The following CNTNAP5 variants were observed in gnomAD, a reference collection of about 807,000 sequenced individuals.
CNTNAP5 encodes contactin associated protein family member 5.
A neutral mutation model predicts 150.2 loss-of-function variants in CNTNAP5; 72 were observed. That is an observed-to-expected ratio of 0.48 (90% CI 0.40 to 0.58). CNTNAP5 has a LOEUF of 0.58. Ranked by LOEUF, CNTNAP5 falls within the 20% of genes least tolerant of loss-of-function variation. The probability of loss-of-function intolerance (pLI) is 0.00; values close to 1 mark genes in which losing one functional copy is unlikely to be tolerated. For missense variants in CNTNAP5, 1,636 were observed against 1,626.2 expected (o/e 1.01, Z -0.10); for synonymous variants, 672 against 619.8 (o/e 1.08, Z -1.25).
At chr2:124,911,888 G>T (rs868602439) in intron 23 of CNTNAP5, among the ~76,000 whole-genome samples, 1 of 152,094 alleles carries the variant, frequency 6.6e-6, no homozygotes, top group Middle Eastern at 3.4e-3. Flanking sequence ...AACTAAATTC[G>T]GGGAAGAAGC....
Position 124,837,543 on chromosome 2 carries a change from T to G in CNTNAP5, c.3218-27763T>G, listed in dbSNP as rs191011069. ...TGGCCCTATTTGTTTCACAGTTTAC[T>G]CTATTTTTAGTCCCTCTTTTATCCA... On this transcript the variant is annotated intron_variant, in intron 19 of 23. Transcript: ENST00000682447. Among the ~76,000 whole-genome samples, 35 of 152,296 alleles carry G rather than the reference T, an allele frequency of 2.3e-4. 1 individual carries two copies. The highest frequency in any genetic ancestry group is 1.9e-3 in the South Asian group (9 of 4,828).
intron 11 of CNTNAP5, among the ~76,000 whole-genome samples, chr2:124,571,527 CTTT>C (rs1214169811): frequency 8.5e-5 from 4 of 46,842 alleles, no homozygotes; most frequent in Admixed American, 3.3e-4. Context: ...TTTCTTTTTT[CTTT>C]TTTTTTTTTT....
At position 124,790,016 on chromosome 2, in the gene CNTNAP5, G is replaced by T. The variant is rs1681689069; in HGVS notation, c.2867G>T (p.Gly956Val). Residue 956 changes from glycine (G) to valine (V), a missense_variant, in exon 18 of 24, where the codon GGC (glycine) becomes GTC (valine). Gly to Val is a moderately radical substitution (Grantham distance 109). Coordinates refer to ENST00000682447, the MANE Select transcript of CNTNAP5 (RefSeq NM_001367498.1). Reference protein sequence around the residue: ...RAKVTSGVRPGCPGHCSSYGS... With the variant: ...RAKVTSGVRPVCPGHCSSYGS... The stretch of plus-strand genomic sequence containing the variant: ...AAGGTCACATCTGGAGTCAGGCCAG[G>T]CTGCCCCGGCCACTGCAGCAGCTAC... 6.2e-7 allele frequency: 1 copy of T among 1,613,950 alleles called. No homozygotes were observed. Among genetic ancestry groups the T allele is most frequent in the Non-Finnish European group, 8.5e-7 (1 of 1,179,868 alleles).
intron 5 of CNTNAP5, among the ~76,000 whole-genome samples, chr2:124,444,003 C>CAT (rs1692741083): frequency 6.6e-6 from 1 of 152,250 alleles, no homozygotes; most frequent in African/African-American, 2.4e-5. Context: ...TGCCTTGTTA[C>CAT]ATCTAGAAAT....
intron 3 of CNTNAP5, among the ~76,000 whole-genome samples, chr2:124,265,348 C>G (rs1029304144): frequency 5.9e-5 from 9 of 152,114 alleles, no homozygotes; most frequent in African/African-American, 1.9e-4. Context: ...GGCGGCAGGG[C>G]ACCTCTGCAC....
At chr2:124,722,531 C>A (rs1282365183) in intron 13 of CNTNAP5, among the ~76,000 whole-genome samples, 4 of 152,150 alleles carry the variant, frequency 2.6e-5, no homozygotes, top group Non-Finnish European at 5.9e-5. Flanking sequence ...AGGCTCCAGA[C>A]TAATTCTTTT....
intron 21 of CNTNAP5, among the ~76,000 whole-genome samples, chr2:124,889,078 CTTTTTTTTTTTTTTT>C (rs761790564): frequency 4.4e-5 from 3 of 68,782 alleles, no homozygotes; most frequent in Admixed American, 1.6e-4. Context: ...TGAGGTCTAG[CTTTTTTTTTTTTTTT>C]TTTTTTTTTT....
chr2:124,054,971 G>A (rs1459660873), intron 1 of CNTNAP5, among the ~76,000 whole-genome samples: 4 of 152,164 alleles, frequency 2.6e-5, no homozygotes, highest in African/African-American at 7.2e-5. Flanking sequence ...CCCTAACAGA[G>A]TTTTGAACTG....
At chr2:124,481,603 C>T (rs564239346) in intron 7 of CNTNAP5, among the ~76,000 whole-genome samples, 19 of 152,224 alleles carry the variant, frequency 1.2e-4, no homozygotes, top group South Asian at 8.3e-4. Flanking sequence ...CATTTTCACA[C>T]TTTAAATGTA....
At chr2:124,591,139 A>G (rs186315145) in intron 11 of CNTNAP5, among the ~76,000 whole-genome samples, 96 of 152,318 alleles carry the variant, frequency 6.3e-4, no homozygotes, top group African/African-American at 2.2e-3. Flanking sequence ...GAGTACCCCT[A>G]ATACCAGACC....
chr2:124,676,184 T>C (rs1407593151), intron 13 of CNTNAP5, among the ~76,000 whole-genome samples: 1 of 152,222 alleles, frequency 6.6e-6, no homozygotes, highest in Non-Finnish European at 1.5e-5. Context: ...CTTTGCTGAG[T>C]GTCTCTGACT....
intron 3 of CNTNAP5, among the ~76,000 whole-genome samples, chr2:124,293,656 T>G (rs1688354671): frequency 6.6e-6 from 1 of 152,222 alleles, no homozygotes; most frequent in Non-Finnish European, 1.5e-5. Flanking sequence ...CCGTGTTCTA[T>G]GCATTATGCA....
chr2:124,724,134 A>T (rs994531166), intron 13 of CNTNAP5, among the ~76,000 whole-genome samples: 2 of 145,774 alleles, frequency 1.4e-5, no homozygotes, highest in Admixed American at 7.0e-5. Context: ...ACAGAGGGAG[A>T]CTCCATCTCA....
intron 10 of CNTNAP5, among the ~76,000 whole-genome samples, chr2:124,534,624 C>T (rs971250731): frequency 1.3e-5 from 2 of 152,110 alleles, no homozygotes; most frequent in African/African-American, 4.8e-5. Context: ...CCTGTAGTCC[C>T]AGCATTTTGG....
At chr2:124,154,648 G>A (rs2104639284) in intron 1 of CNTNAP5, among the ~76,000 whole-genome samples, 1 of 152,256 alleles carries the variant, frequency 6.6e-6, no homozygotes, top group East Asian at 1.9e-4. Context: ...AGTCCAGTGT[G>A]CTGAAGTGCC....
intron 3 of CNTNAP5, among the ~76,000 whole-genome samples, chr2:124,385,767 G>C (rs969751731): frequency 6.6e-6 from 1 of 152,134 alleles, no homozygotes; most frequent in African/African-American, 2.4e-5. Context: ...TATATTCTTA[G>C]AGGCAAGAAA....
intron 1 of CNTNAP5, among the ~76,000 whole-genome samples, chr2:124,159,860 C>T (rs1158172898): frequency 6.6e-6 from 1 of 152,028 alleles, no homozygotes; most frequent in African/African-American, 2.4e-5. Context: ...AATTGTTCAT[C>T]CAAGTTTTAA....
chr2:124,073,427 C>G (rs1682360750), intron 1 of CNTNAP5, among the ~76,000 whole-genome samples: 1 of 152,050 alleles, frequency 6.6e-6, no homozygotes, highest in South Asian at 2.1e-4. Flanking sequence ...AGAGACAACC[C>G]TCAAAGTGTG....
At chr2:124,670,511 T>C (rs2105056726) in intron 13 of CNTNAP5, among the ~76,000 whole-genome samples, 1 of 152,308 alleles carries the variant, frequency 6.6e-6, no homozygotes, top group Middle Eastern at 3.4e-3. Flanking sequence ...TCCCATTCTA[T>C]CTTTTCACTT....
Sources: allele counts gnomAD v4.1 joint callset (sites outside exome capture counted in the v4.1 genomes callset), GRCh38; gene constraint gnomAD v4.1.1; transcripts MANE v1.5; gene names NCBI Gene and HGNC (gene_info 2026-07-23, HGNC 2026-07-21).